TECPR2: variants seen among roughly 807,000 people sequenced by gnomAD.
TECPR2 encodes the protein tectonin beta-propeller repeat-containing protein 2.
TECPR2 carries 65 observed loss-of-function variants against 138.1 expected under a neutral mutation model. The observed-to-expected ratio is 0.47, with a 90% CI of 0.39 to 0.58. The LOEUF (loss-of-function observed/expected upper bound fraction) is 0.58. Among genes scored for constraint, TECPR2 ranks in the 20% least tolerant of loss-of-function variants. The pLI is 0.00. For missense variants in TECPR2, 1,553 were observed against 1,824.5 expected, an observed-to-expected ratio of 0.85 and a Z score of 2.71; for synonymous variants, 746 against 749.8, an observed-to-expected ratio of 0.99 and a Z score of 0.08.
chr14:102,396,899 A>AT (rs1395325626), intron 2 of TECPR2, among the ~76,000 whole-genome samples: 2 of 152,162 alleles, frequency 1.3e-5, no homozygotes, highest in Non-Finnish European at 2.9e-5. Flanking sequence ...AGACAAAGAG[A>AT]TGGGTGGCCA....
Position 102,450,921 on chromosome 14 carries a change from G to A in TECPR2, c.3406+272G>A, listed in dbSNP as rs186745043. ...GAGGGGCTCACACAGTGCAGCCACC[G>A]GGGCTGGCAGCTGGTGACTTCCAGT... is the stretch of plus-strand genomic sequence containing the variant. On this transcript the variant is annotated intron_variant, in intron 15 of 19. Transcript: ENST00000359520. Among the ~76,000 whole-genome samples, 11 of 152,332 alleles carry A rather than the reference G, an allele frequency of 7.2e-5. No homozygotes were observed. In the East Asian group the frequency reaches 2.1e-3, roughly 29 times the overall value.
At chr14:102,480,841 G>GTTTTTTTTTT (rs71119706) in intron 17 of TECPR2, among the ~76,000 whole-genome samples, 6 of 75,212 alleles carry the variant, frequency 8.0e-5, no homozygotes, top group African/African-American at 2.7e-4. Context: ...TTGGTTTTGG[G>GTTTTTTTTTT]TTTTTTTTTT....
chr14:102,463,795 G>A (rs1031014451), intron 16 of TECPR2, among the ~76,000 whole-genome samples: 21 of 151,496 alleles, frequency 1.4e-4, no homozygotes, highest in African/African-American at 3.2e-4. Flanking sequence ...GTGGTGGCAC[G>A]CGCCTGTAAT....
At chr14:102,483,601 C>T in intron 17 of TECPR2, among the ~76,000 whole-genome samples, 1 of 151,688 alleles carries the variant, frequency 6.6e-6, no homozygotes, top group East Asian at 1.9e-4. Flanking sequence ...GCACCATGTT[C>T]AGCTAATTTT....
At chr14:102,387,990 C>T (rs768604226) in intron 2 of TECPR2, among the ~76,000 whole-genome samples, 1 of 152,214 alleles carries the variant, frequency 6.6e-6, no homozygotes, top group South Asian at 2.1e-4. Flanking sequence ...GGATATTTCG[C>T]ATTGAGAAAA....
chr14:102,394,850 G>T (rs901456766), intron 2 of TECPR2, among the ~76,000 whole-genome samples: 1 of 152,148 alleles, frequency 6.6e-6, no homozygotes, highest in African/African-American at 2.4e-5. Context: ...CTGCCCTCAT[G>T]CCTGTTCTGT....
intron 17 of TECPR2, among the ~76,000 whole-genome samples, chr14:102,471,347 C>T (rs894948610): frequency 1.3e-5 from 2 of 152,154 alleles, no homozygotes; most frequent in African/African-American, 2.4e-5. Flanking sequence ...CAATTGTTCA[C>T]AGTATTCTTC....
In TECPR2 at chr14:102,501,687, A is replaced by C. The variant is rs1891438378; in HGVS notation, c.*3430A>C. On this transcript the variant is annotated 3_prime_UTR_variant, in exon 20 of 20. Transcript: ENST00000359520. ...CAACAATAAGAGGAGTGCGCCCTTC[A>C]GCAGCATGTATACAAAAATTGCAAC... The C allele has an allele frequency of 6.6e-6, 1 of 152,250 alleles. No homozygotes were observed. The allele number at this position is 152,250 out of a possible 1,614,324, so 9.4% of individuals were successfully genotyped here. A position where few individuals can be genotyped will look rare whatever the true frequency, so the allele number is the denominator to read the frequency against.
chr14:102,398,391 T>C (rs1597783755), intron 2 of TECPR2, among the ~76,000 whole-genome samples: 1 of 152,068 alleles, frequency 6.6e-6, no homozygotes, highest in Admixed American at 6.6e-5. Flanking sequence ...CTGGGAGTTA[T>C]AGAAAGAAAT....
intron 2 of TECPR2, among the ~76,000 whole-genome samples, chr14:102,400,141 G>T (rs1342859877): frequency 6.6e-6 from 1 of 151,456 alleles, no homozygotes; most frequent in African/African-American, 2.4e-5. Context: ...TGCCTCCCGG[G>T]TTCAAGTGAT....
At position 102,498,330 on chromosome 14, in the gene TECPR2, G is replaced by A. The variant is rs1386654201; in HGVS notation, c.*73G>A. ...CACAGGGGCTTCAGAGTGACTCCCT[G>A]GTGGACGCGCTGCCTCAACACTTGT... On this transcript the variant is annotated 3_prime_UTR_variant, in exon 20 of 20. Coordinates refer to ENST00000359520, the MANE Select transcript of TECPR2 (RefSeq NM_014844.5). The A allele has an allele frequency of 2.7e-6, 4 of 1,499,828 alleles. No individual in the cohort carries two copies. The highest frequency in any genetic ancestry group is 1.4e-5 in the African/African-American group (1 of 72,682). The allele number at this position is 1,499,828 out of a possible 1,614,324, so 92.9% of individuals were successfully genotyped here.
chr14:102,441,689 T>C (rs1567343499), intron 11 of TECPR2, among the ~76,000 whole-genome samples: 1 of 151,952 alleles, frequency 6.6e-6, no homozygotes, highest in Non-Finnish European at 1.5e-5. Context: ...AGACTCCGTC[T>C]CAAAACAAAA....
At chr14:102,476,206 C>CAAAAAAAAAAAAAAAA (rs58293049) in intron 17 of TECPR2, among the ~76,000 whole-genome samples, 6 of 59,680 alleles carry the variant, frequency 1.0e-4, no homozygotes, top group African/African-American at 2.2e-4. Flanking sequence ...GACTCTGTCT[C>CAAAAAAAAAAAAAAAA]AAAAAAAAAA....
intron 9 of TECPR2, chr14:102,437,254 A>C (rs2139735164): frequency 1.0e-6 from 1 of 960,896 alleles, no homozygotes; most frequent in Non-Finnish European, 1.2e-6. Context: ...TTTTTAAAAG[A>C]ATTCTAGCAA....
intron 16 of TECPR2, among the ~76,000 whole-genome samples, chr14:102,454,787 T>C (rs530335172): frequency 2.0e-5 from 3 of 152,320 alleles, no homozygotes; most frequent in East Asian, 1.9e-4. Context: ...GAGGCTGTGT[T>C]CACCTGCACC....
At chr14:102,365,153 G>T (rs548306089) in intron 1 of TECPR2, among the ~76,000 whole-genome samples, 1 of 152,320 alleles carries the variant, frequency 6.6e-6, no homozygotes, top group African/African-American at 2.4e-5. Context: ...CAACAAACGT[G>T]TATTGAGCAT....
At chr14:102,478,818 C>G (rs1429010781) in intron 17 of TECPR2, among the ~76,000 whole-genome samples, 1 of 151,858 alleles carries the variant, frequency 6.6e-6, no homozygotes, top group Non-Finnish European at 1.5e-5. Context: ...GAGTTCAGGA[C>G]CAGCCTGAGA....
At chr14:102,494,201 G>A (rs1001751839) in intron 17 of TECPR2, among the ~76,000 whole-genome samples, 3 of 152,190 alleles carry the variant, frequency 2.0e-5, no homozygotes, top group Non-Finnish European at 4.4e-5. Context: ...AGCGAAGGGA[G>A]CCCCTCGCTA....
In TECPR2 at chr14:102,397,013, AT is replaced by A. The variant is rs540561851; in HGVS notation, c.220-10319del. On this transcript the variant is annotated intron_variant, in intron 2 of 19. Coordinates refer to ENST00000359520, the MANE Select transcript of TECPR2 (RefSeq NM_014844.5). ...GGTCCTGCTCCCTTGCTTCACTTTTATTTTTTCCCATTTGGGAGCCAGATGT... is the reference window on the plus strand; with the variant it reads ...GGTCCTGCTCCCTTGCTTCACTTTTATTTTTCCCATTTGGGAGCCAGATGT... 4.6e-3 allele frequency among the ~76,000 whole-genome samples: 702 copies of A among 152,138 alleles called. 2 individuals are homozygous for A. The highest frequency in any genetic ancestry group is 0.012 in the Admixed American group (176 of 15,272).
Sources: gnomAD v4.1 joint callset for allele counts (sites outside exome capture counted in the v4.1 genomes callset) on GRCh38, gnomAD v4.1.1 for gene constraint, MANE v1.5 for transcripts, NCBI Gene and HGNC (gene_info 2026-07-23, HGNC 2026-07-21) for gene names.